The following FAM204A variants were observed in gnomAD, a reference collection of about 807,000 sequenced individuals.
FAM204A encodes the protein protein FAM204A.
A neutral mutation model predicts 35.4 loss-of-function variants in FAM204A; 16 were observed. The ratio of observed to expected loss-of-function variants is 0.45; its 90% CI spans 0.31 to 0.69. The LOEUF is 0.69. Ranked by LOEUF, FAM204A falls within the 30% of genes least tolerant of loss-of-function variation. The pLI is 0.07. For synonymous variants in FAM204A, 76 were observed against 86.9 expected, an observed-to-expected ratio of 0.88 and a Z score of 0.70; for missense variants, 240 against 265.7, an observed-to-expected ratio of 0.90 and a Z score of 0.67.
intron 2 of FAM204A, among the ~76,000 whole-genome samples, chr10:118,341,514 G>C (rs184869382): frequency 6.6e-6 from 1 of 152,110 alleles, no homozygotes; most frequent in Non-Finnish European, 1.5e-5. Context: ...GTACAGAAAG[G>C]ACAACTGAAT....
At chr10:118,339,155 A>G (rs1846433612) in intron 2 of FAM204A, among the ~76,000 whole-genome samples, 1 of 152,196 alleles carries the variant, frequency 6.6e-6, no homozygotes, top group Non-Finnish European at 1.5e-5. Flanking sequence ...GTGACTCTCA[A>G]AAAAACAAAT....
At chr10:118,314,143 T>C (rs974774333) in intron 7 of FAM204A, among the ~76,000 whole-genome samples, 5 of 152,244 alleles carry the variant, frequency 3.3e-5, no homozygotes, top group Non-Finnish European at 5.9e-5. Flanking sequence ...TAAGCAGCCA[T>C]TCACATGAGA....
Position 118,299,839 on chromosome 10 carries a change from G to A in FAM204A, c.*11018C>T, listed in dbSNP as rs1265881750. 1 of 152,206 alleles carries A rather than the reference G, an allele frequency of 6.6e-6. No homozygotes were observed. Among genetic ancestry groups the A allele is most frequent in the African/African-American group, 2.4e-5 (1 of 41,460 alleles). 9.4% of individuals were successfully genotyped at this position (152,206 alleles called of 1,614,324 possible). A position where few individuals can be genotyped will look rare whatever the true frequency, so the allele number is the denominator to read the frequency against. The stretch of plus-strand genomic sequence containing the variant: ...AATTACAAGCATGATCAATAAGACT[G>A]CATGAACCTATTTTTACTAACAATT... On this transcript the variant is annotated 3_prime_UTR_variant, in exon 9 of 9. Coordinates refer to ENST00000369183, the MANE Select transcript of FAM204A (RefSeq NM_022063.3).
rs757505689 is a variant in FAM204A at position 118,311,204 on chromosome 10, C to T, written c.650+3G>A. On this transcript the variant is annotated splice_donor_region_variant and intron_variant, in intron 8 of 8. Coordinates refer to ENST00000369183, the MANE Select transcript of FAM204A (RefSeq NM_022063.3). Reference sequence around the variant, plus strand: ...TACTACCAAAAATCTTAAGTAAACTCACCCCCATGCAAGTTTCTTCTTTTT... The same window carrying T: ...TACTACCAAAAATCTTAAGTAAACTTACCCCCATGCAAGTTTCTTCTTTTT... 59 of 1,604,118 alleles carry T rather than the reference C, an allele frequency of 3.7e-5. No homozygotes were observed. The highest frequency in any genetic ancestry group is 4.8e-5 in the Non-Finnish European group (57 of 1,177,670).
rs555327904 is a variant in FAM204A, at chr10:118,311,756, A to G, written c.544-443T>C. The stretch of plus-strand genomic sequence containing the variant: ...ATGCTGATCAGAAGCTCTGATTGGC[A>G]GTCACAGATGTGATTAATAAAACAT... On this transcript the variant is annotated intron_variant, in intron 7 of 8. Transcript: ENST00000369183. 9.2e-4 allele frequency among the ~76,000 whole-genome samples: 140 copies of G among 152,340 alleles called. 1 individual carries two copies. Among genetic ancestry groups the G allele is most frequent in the African/African-American group, 3.3e-3 (138 of 41,578 alleles).
intron 2 of FAM204A, 92 bp from the exon 3 acceptor site, chr10:118,336,515 A>G: frequency 8.2e-7 from 1 of 1,219,934 alleles, no homozygotes; most frequent in South Asian, 1.8e-5. Flanking sequence ...TAATAATTAT[A>G]ACAATGGTTT....
intron 6 of FAM204A, among the ~76,000 whole-genome samples, chr10:118,327,433 G>C (rs1846215595): frequency 6.6e-6 from 1 of 152,168 alleles, no homozygotes; most frequent in Non-Finnish European, 1.5e-5. Context: ...ATACCTGCAA[G>C]GCCAACAGAC....
chr10:118,306,675 C>G lies in FAM204A; in HGVS notation c.*4182G>C, dbSNP rs1298970621. On this transcript the variant is annotated 3_prime_UTR_variant, in exon 9 of 9. Transcript: ENST00000369183. ...GAAGAAATTCCGGAAAGGGAACAGACACCTCCAGAATACTCACTATTGAGT... is the reference window on the plus strand; with the variant it reads ...GAAGAAATTCCGGAAAGGGAACAGAGACCTCCAGAATACTCACTATTGAGT... The G allele has an allele frequency of 1.3e-5, 2 of 152,258 alleles. No individual in the cohort carries two copies. Among genetic ancestry groups the G allele is most frequent in the African/African-American group, 4.8e-5 (2 of 41,470 alleles). The allele number at this position is 152,258 out of a possible 1,614,324, so 9.4% of individuals were successfully genotyped here. A position where few individuals can be genotyped will look rare whatever the true frequency, so the allele number is the denominator to read the frequency against.
chr10:118,329,639 C>CCTAACTTGTCTGACACACT (rs1846258033), intron 6 of FAM204A, among the ~76,000 whole-genome samples: 1 of 152,146 alleles, frequency 6.6e-6, no homozygotes, highest in Non-Finnish European at 1.5e-5. Flanking sequence ...CCCTTCAGCA[C>CCTAACTTGTCTGACACACT]CTAACTTGTC....
intron 7 of FAM204A, among the ~76,000 whole-genome samples, chr10:118,324,271 C>A (rs796622806): frequency 4.6e-5 from 7 of 152,082 alleles, no homozygotes; most frequent in African/African-American, 1.7e-4. Context: ...AGAAAAAAAA[C>A]AAACAGTAAA....
chr10:118,313,302 T>C (rs1356537339), intron 7 of FAM204A, among the ~76,000 whole-genome samples: 1 of 152,202 alleles, frequency 6.6e-6, no homozygotes, highest in Non-Finnish European at 1.5e-5. Flanking sequence ...CTCTAACCTG[T>C]GATGCCGGCA....
chr10:118,341,392 TCA>T (rs1846480368), intron 2 of FAM204A, among the ~76,000 whole-genome samples: 1 of 152,184 alleles, frequency 6.6e-6, no homozygotes, highest in Non-Finnish European at 1.5e-5. Flanking sequence ...TACATCATAA[TCA>T]GAGTCTGTGA....
rs1304039431 is a variant in FAM204A, at chr10:118,309,700, A to G, written c.*1157T>C. On this transcript the variant is annotated 3_prime_UTR_variant, in exon 9 of 9. Transcript: ENST00000369183. ...CTCTTTCTGCTCATTAATTCATTCA[A>G]TCTTTTAAGGAGGAATGGGGAATGG... 6.6e-6 allele frequency: 1 copy of G among 152,186 alleles called. No homozygotes were observed. The highest frequency in any genetic ancestry group is 1.5e-5 in the Non-Finnish European group (1 of 68,032). 9.4% of individuals were successfully genotyped at this position (152,186 alleles called of 1,614,324 possible).
In FAM204A at chr10:118,306,375, C is replaced by A. The variant is rs1239949099; in HGVS notation, c.*4482G>T. 6.6e-6 allele frequency: 1 copy of A among 152,118 alleles called. No individual in the cohort carries two copies. The highest frequency in any genetic ancestry group is 2.4e-5 in the African/African-American group (1 of 41,436). 9.4% of individuals were successfully genotyped at this position (152,118 alleles called of 1,614,324 possible). ...CTTGTATTCTGCTTCCTTGAGAAAC[C>A]TGGTCCGGATATAAAAGCACATACT... is the stretch of plus-strand genomic sequence containing the variant. On this transcript the variant is annotated 3_prime_UTR_variant, in exon 9 of 9. Transcript: ENST00000369183.
At position 118,310,329 on chromosome 10, in the gene FAM204A, A is replaced by T. The variant is rs1438312607; in HGVS notation, c.*528T>A. 2.0e-5 allele frequency: 3 copies of T among 152,032 alleles called. No homozygotes were observed. Among genetic ancestry groups the T allele is most frequent in the Non-Finnish European group, 4.4e-5 (3 of 68,184 alleles). The allele number at this position is 152,032 out of a possible 1,614,324, so 9.4% of individuals were successfully genotyped here. A position where few individuals can be genotyped will look rare whatever the true frequency, so the allele number is the denominator to read the frequency against. ...TCTCTACTAAAAATACAAAAAAAAA[A>T]AAAAAATTAGCCGGGTGTGGTGGCA... On this transcript the variant is annotated 3_prime_UTR_variant, in exon 9 of 9. Transcript: ENST00000369183.
At chr10:118,338,693 T>C (rs1846425524) in intron 2 of FAM204A, among the ~76,000 whole-genome samples, 1 of 152,186 alleles carries the variant, frequency 6.6e-6, no homozygotes, top group Non-Finnish European at 1.5e-5. Context: ...TGACCTGGAC[T>C]TTAGATGTGA....
intron 7 of FAM204A, among the ~76,000 whole-genome samples, chr10:118,318,472 T>C (rs1216880848): frequency 1.3e-5 from 2 of 151,966 alleles, no homozygotes; most frequent in African/African-American, 4.8e-5. Context: ...AAATAATACT[T>C]AATGCATTTT....
chr10:118,332,173 GA>G (rs59564428), intron 6 of FAM204A, among the ~76,000 whole-genome samples: 8 of 54,162 alleles, frequency 1.5e-4, no homozygotes, highest in South Asian at 2.8e-3. Context: ...CTCTGTTTCA[GA>G]AAAAAAAAAA....
rs1845867359 is a variant in FAM204A, at chr10:118,306,501, C to T, written c.*4356G>A. ...CTACTAATAAAAAGATATTCCTCAG[C>T]TAATTCTTGATTTACATGCACATCT... On this transcript the variant is annotated 3_prime_UTR_variant, in exon 9 of 9. Coordinates refer to ENST00000369183, the MANE Select transcript of FAM204A (RefSeq NM_022063.3). The T allele has an allele frequency of 6.6e-6, 1 of 152,226 alleles. No individual in the cohort carries two copies. The allele number at this position is 152,226 out of a possible 1,614,324, so 9.4% of individuals were successfully genotyped here. A position where few individuals can be genotyped will look rare whatever the true frequency, so the allele number is the denominator to read the frequency against.
Sources: allele counts gnomAD v4.1 joint callset (sites outside exome capture counted in the v4.1 genomes callset), GRCh38; gene constraint gnomAD v4.1.1; transcripts MANE v1.5; gene names NCBI Gene and HGNC (gene_info 2026-07-23, HGNC 2026-07-21).